The following ADK variants were observed in gnomAD, a reference collection of about 807,000 sequenced individuals.
The protein encoded by ADK is adenosine kinase.
ADK carries 24 observed loss-of-function variants against 44.7 expected under a neutral mutation model. That is an observed-to-expected ratio of 0.54 (90% CI 0.39 to 0.76). The LOEUF (loss-of-function observed/expected upper bound fraction) is 0.76, where lower values mean the gene tolerates loss of function less well. Among genes scored for constraint, ADK ranks in the 30% least tolerant of loss-of-function variants. The pLI is 0.00. For missense variants in ADK, 321 were observed against 425.1 expected (o/e 0.76, Z 2.15); for synonymous variants, 128 against 142.6 (o/e 0.90, Z 0.73).
At chr10:74,629,572 T>C (rs1482904311) in intron 9 of ADK, among the ~76,000 whole-genome samples, 2 of 152,174 alleles carry the variant, frequency 1.3e-5, no homozygotes, top group Non-Finnish European at 2.9e-5. Context: ...TTTGAAGTAA[T>C]AATTGGATAC....
At chr10:74,371,826 C>G in intron 4 of ADK, 2 of 1,272,520 alleles carry the variant, frequency 1.6e-6, no homozygotes, top group South Asian at 2.4e-5. Context: ...TGGAGCCACT[C>G]CAATTGTTGG....
At chr10:74,179,759 T>A (rs563545840) in intron 1 of ADK, among the ~76,000 whole-genome samples, 1 of 152,354 alleles carries the variant, frequency 6.6e-6, no homozygotes, top group African/African-American at 2.4e-5. Flanking sequence ...AGATACTTAG[T>A]TGAGCAGCCC....
intron 4 of ADK, among the ~76,000 whole-genome samples, chr10:74,326,337 G>A (rs1366064300): frequency 4.6e-5 from 7 of 151,702 alleles, no homozygotes; most frequent in African/African-American, 9.7e-5. Context: ...GTTGGCTTAC[G>A]CCAGTACCCC....
chr10:74,439,698 A>G (rs1171787395), intron 6 of ADK, among the ~76,000 whole-genome samples: 1 of 152,152 alleles, frequency 6.6e-6, no homozygotes, highest in Non-Finnish European at 1.5e-5. Flanking sequence ...TCCTGAATAT[A>G]CATTTTATAA....
At chr10:74,347,048 A>G (rs1402679289) in intron 4 of ADK, among the ~76,000 whole-genome samples, 2 of 143,566 alleles carry the variant, frequency 1.4e-5, no homozygotes, top group Non-Finnish European at 3.0e-5. Context: ...TGGAGCTTGC[A>G]ATGAGCAGAG....
At chr10:74,438,871 C>T (rs1275065430) in intron 6 of ADK, among the ~76,000 whole-genome samples, 2 of 152,140 alleles carry the variant, frequency 1.3e-5, no homozygotes, top group African/African-American at 2.4e-5. Context: ...TCTTCAGTAT[C>T]ATCACCATTC....
chr10:74,542,681 A>T (rs1849680595), intron 7 of ADK, among the ~76,000 whole-genome samples: 1 of 151,928 alleles, frequency 6.6e-6, no homozygotes, highest in African/African-American at 2.4e-5. Flanking sequence ...AAATAATCTC[A>T]TTAGTTTCTG....
chr10:74,524,716 G>T (rs1192402047), intron 6 of ADK, among the ~76,000 whole-genome samples: 1 of 152,098 alleles, frequency 6.6e-6, no homozygotes, highest in East Asian at 1.9e-4. Flanking sequence ...TTAATTAACA[G>T]ATTATTTTAA....
At chr10:74,699,719 T>C (rs1252735482) in intron 10 of ADK, among the ~76,000 whole-genome samples, 2 of 152,164 alleles carry the variant, frequency 1.3e-5, no homozygotes, top group Non-Finnish European at 2.9e-5. Flanking sequence ...CCAAACATCC[T>C]ATAGAAAAAT....
intron 1 of ADK, among the ~76,000 whole-genome samples, chr10:74,195,800 C>T (rs2132133423): frequency 6.8e-6 from 1 of 146,586 alleles, no homozygotes; most frequent in Admixed American, 7.1e-5. Context: ...CCTCAGCTTC[C>T]CTAGTAACTG....
At chr10:74,577,356 A>C (rs1442635287) in intron 7 of ADK, among the ~76,000 whole-genome samples, 1 of 152,140 alleles carries the variant, frequency 6.6e-6, no homozygotes, top group East Asian at 1.9e-4. Context: ...CCACATTACA[A>C]TACACTCTGT....
At chr10:74,506,945 C>G (rs1848098863) in intron 6 of ADK, among the ~76,000 whole-genome samples, 1 of 152,098 alleles carries the variant, frequency 6.6e-6, no homozygotes, top group African/African-American at 2.4e-5. Flanking sequence ...TGATATACTT[C>G]TTGAAAAAAT....
At chr10:74,233,459 C>T (rs1406189873) in intron 3 of ADK, among the ~76,000 whole-genome samples, 2 of 152,124 alleles carry the variant, frequency 1.3e-5, no homozygotes, top group East Asian at 3.8e-4. Flanking sequence ...TCTGCCCATA[C>T]CTTTGTGTCT....
chr10:74,429,131 T>G (rs896454270), intron 6 of ADK, among the ~76,000 whole-genome samples: 1 of 152,244 alleles, frequency 6.6e-6, no homozygotes, highest in Non-Finnish European at 1.5e-5. Context: ...AAAGTTTAGA[T>G]AAATTGTCCT....
intron 9 of ADK, among the ~76,000 whole-genome samples, chr10:74,642,791 C>T (rs1483245475): frequency 2.0e-5 from 3 of 148,610 alleles, no homozygotes; most frequent in African/African-American, 5.0e-5. Context: ...ATTTTTCTAC[C>T]TGATCACTCT....
In ADK at chr10:74,670,256, T is replaced by C. The variant is rs1431333669; in HGVS notation, c.951T>C (p.Asp317=). The C allele has an allele frequency of 6.2e-7, 1 of 1,613,404 alleles. No homozygotes were observed. The highest frequency in any genetic ancestry group is 8.5e-7 in the Non-Finnish European group (1 of 1,179,522). Residue 317 remains aspartate (D), a synonymous_variant, in exon 10 of 11, where the codon GAT becomes GAC. Transcript: ENST00000539909. ...KEIIDTNGAG[D]AFVGGFLSQL... is the part of the protein sequence containing the mutation. ...TTATTGATACCAATGGAGCTGGAGA[T>C]GCATTTGTTGGAGGTACAGACTAAT... is the stretch of plus-strand genomic sequence containing the variant.
chr10:74,287,961 C>T (rs1286668737), intron 3 of ADK, among the ~76,000 whole-genome samples: 1 of 123,108 alleles, frequency 8.1e-6, no homozygotes, highest in South Asian at 2.4e-4. Context: ...CTGCCTGGGG[C>T]GATGTACTGA....
chr10:74,509,037 T>G (rs910382130), intron 6 of ADK, among the ~76,000 whole-genome samples: 2 of 152,222 alleles, frequency 1.3e-5, no homozygotes, highest in Non-Finnish European at 2.9e-5. Flanking sequence ...GTGATCATTG[T>G]GCAGATAGCC....
intron 3 of ADK, among the ~76,000 whole-genome samples, chr10:74,276,452 T>C (rs1846683550): frequency 6.6e-6 from 1 of 152,242 alleles, no homozygotes. Context: ...GTATTAATTT[T>C]CTGTTTTTCA....
Sources: gnomAD v4.1 joint callset for allele counts (sites outside exome capture counted in the v4.1 genomes callset) on GRCh38, gnomAD v4.1.1 for gene constraint, MANE v1.5 for transcripts, NCBI Gene and HGNC (gene_info 2026-07-23, HGNC 2026-07-21) for gene names.